Variants in KAZN observed in about 807,000 individuals in gnomAD.
KAZN encodes kazrin, periplakin interacting protein.
Under a neutral mutation model 87.4 loss-of-function variants are expected in KAZN, and 40 were observed. The ratio of observed to expected loss-of-function variants is 0.46; its 90% confidence interval spans 0.36 to 0.60. KAZN has a LOEUF of 0.60. Ranked by LOEUF, KAZN falls within the 20% of genes least tolerant of loss-of-function variation. The probability of loss-of-function intolerance (pLI) is 0.00; values close to 1 mark genes in which losing one functional copy is unlikely to be tolerated. For synonymous variants in KAZN, 466 were observed against 458.3 expected (o/e 1.02, Z -0.22); for missense variants, 898 against 1,073.9 (o/e 0.84, Z 2.29).
At chr1:14,931,359 G>C (rs1455863166) in intron 1 of KAZN, among the ~76,000 whole-genome samples, 1 of 152,066 alleles carries the variant, frequency 6.6e-6, no homozygotes, top group African/African-American at 2.4e-5. Context: ...AAGGAAAATT[G>C]ATTGAATCCA....
At chr1:15,072,139 T>C (rs2100594955) in intron 8 of KAZN, among the ~76,000 whole-genome samples, 1 of 152,348 alleles carries the variant, frequency 6.6e-6, no homozygotes, top group East Asian at 1.9e-4. Flanking sequence ...TGTACTCATC[T>C]GTAAAATGGG....
At position 14,722,881 on chromosome 1, in the gene KAZN, T is replaced by G. The variant is rs535485437; in HGVS notation, c.226+123658T>G. ...TGACTCATGCCTGTAATCCCAACCC[T>G]TTGGGAGACTGAGGTGGGAGGGTCA... On this transcript the variant is annotated intron_variant, in intron 1 of 14. Coordinates refer to ENST00000376030, the MANE Select transcript of KAZN (RefSeq NM_201628.3). Among the ~76,000 whole-genome samples, 8 of 152,226 alleles carry G rather than the reference T, an allele frequency of 5.3e-5. No individual in the cohort carries two copies. In the South Asian group the frequency reaches 1.7e-3, roughly 32 times the overall value.
chr1:14,167,740 C>A (rs74226302), intron 1 of KAZN, among the ~76,000 whole-genome samples: 12 of 151,704 alleles, frequency 7.9e-5, no homozygotes, highest in South Asian at 2.1e-4. Flanking sequence ...AAAACAAAAA[C>A]AAACAAGGAA....
chr1:14,823,871 T>C (rs550133786), intron 1 of KAZN, among the ~76,000 whole-genome samples: 10 of 152,158 alleles, frequency 6.6e-5, no homozygotes, highest in South Asian at 2.1e-4. Context: ...CCCAGCACTT[T>C]AGGAGGCCAA....
chr1:14,050,110 ATGTGTGTGGG>A (rs1642254662), intron 1 of KAZN, among the ~76,000 whole-genome samples: 1 of 92,368 alleles, frequency 1.1e-5, no homozygotes, highest in African/African-American at 5.2e-5. Flanking sequence ...GTATGTGCAC[ATGTGTGTGGG>A]CATGCATGTG....
At chr1:14,824,350 T>A (rs1428611974) in intron 1 of KAZN, among the ~76,000 whole-genome samples, 1 of 152,156 alleles carries the variant, frequency 6.6e-6, no homozygotes, top group Non-Finnish European at 1.5e-5. Context: ...TTCCATGAAC[T>A]TGCTCTGCAG....
At chr1:14,863,321 A>G (rs1651081537) in intron 1 of KAZN, among the ~76,000 whole-genome samples, 1 of 152,216 alleles carries the variant, frequency 6.6e-6, no homozygotes. Flanking sequence ...TCGGTGTGAC[A>G]GGCAGACCCC....
At chr1:14,677,420 T>A (rs1355478533) in intron 1 of KAZN, among the ~76,000 whole-genome samples, 1 of 152,304 alleles carries the variant, frequency 6.6e-6, no homozygotes, top group Non-Finnish European at 1.5e-5. Flanking sequence ...AAGTGAACCT[T>A]CCAAGCTGTA....
intron 2 of KAZN, among the ~76,000 whole-genome samples, chr1:14,220,108 C>A (rs549976813): frequency 6.6e-6 from 1 of 152,306 alleles, no homozygotes; most frequent in Non-Finnish European, 1.5e-5. Flanking sequence ...GCTTTTATCA[C>A]CTCTTTGGTC....
Position 14,747,782 on chromosome 1 carries a change from A to G in KAZN, c.226+148559A>G, listed in dbSNP as rs1409239452. Among the ~76,000 whole-genome samples the G allele has an allele frequency of 2.0e-5, 3 of 152,310 alleles. No individual in the cohort carries two copies. In the South Asian group the frequency reaches 6.2e-4, roughly 32 times the overall value. ...ATATTTAACTTTTTGAGAAATTTTCACAGTGTTTTCCACAGCGGCTGCACC... is the reference window on the plus strand; with the variant it reads ...ATATTTAACTTTTTGAGAAATTTTCGCAGTGTTTTCCACAGCGGCTGCACC... On this transcript the variant is annotated intron_variant, in intron 1 of 14. Coordinates refer to ENST00000376030, the MANE Select transcript of KAZN (RefSeq NM_201628.3).
At chr1:14,180,598 A>G in intron 2 of KAZN, 1 of 1,546,828 alleles carries the variant, frequency 6.5e-7, no homozygotes, top group African/African-American at 1.4e-5. Flanking sequence ...CTCAGGTACA[A>G]AGATCAATAC....
chr1:14,586,401 G>A (rs561904001), intron 2 of KAZN, among the ~76,000 whole-genome samples: 2 of 152,026 alleles, frequency 1.3e-5, no homozygotes, highest in Non-Finnish European at 2.9e-5. Context: ...ACAAATCATA[G>A]TAATAGTAAG....
At chr1:14,899,542 G>A (rs1301602170) in intron 1 of KAZN, among the ~76,000 whole-genome samples, 1 of 152,200 alleles carries the variant, frequency 6.6e-6, no homozygotes, top group Admixed American at 6.5e-5. Context: ...GCCTCTGTTA[G>A]ACATTTTGTC....
At chr1:14,801,897 T>A (rs781775254) in intron 1 of KAZN, among the ~76,000 whole-genome samples, 1 of 151,870 alleles carries the variant, frequency 6.6e-6, no homozygotes, top group Non-Finnish European at 1.5e-5. Context: ...TGTTAGCCAG[T>A]ATGGTGTCTA....
At chr1:14,183,053 T>A (rs532458354) in intron 2 of KAZN, among the ~76,000 whole-genome samples, 1 of 152,268 alleles carries the variant, frequency 6.6e-6, no homozygotes, top group African/African-American at 2.4e-5. Flanking sequence ...GACATCAGCT[T>A]GCAAGTCGAA....
rs1443429640 is a variant in KAZN at position 15,094,119 on chromosome 1, T to C, written c.1223-61T>C. 6.6e-7 allele frequency: 1 copy of C among 1,519,550 alleles called. No individual in the cohort carries two copies. Among genetic ancestry groups the C allele is most frequent in the African/African-American group, 1.4e-5 (1 of 73,264 alleles). The allele number at this position is 1,519,550 out of a possible 1,614,324, so 94.1% of individuals were successfully genotyped here. ...CCCTCTGCCTCCCGGGGGTATGGCC[T>C]GCCCAGCCCCTGCCCCCAGCAGCCT... On this transcript the variant is annotated intron_variant, in intron 8 of 14. Transcript: ENST00000376030. The surrounding 1 kb of genome is among the most constrained non-coding windows in gnomAD (Gnocchi z 4.5).
intron 1 of KAZN, among the ~76,000 whole-genome samples, chr1:14,147,897 C>G (rs891125791): frequency 3.3e-5 from 5 of 151,930 alleles, no homozygotes; most frequent in African/African-American, 7.3e-5. Context: ...GCTATGACTA[C>G]TATTATTGCT....
chr1:14,775,547 TG>T (rs1438646553), intron 1 of KAZN, among the ~76,000 whole-genome samples: 3 of 152,206 alleles, frequency 2.0e-5, no homozygotes, highest in African/African-American at 7.2e-5. Context: ...CATGAGAACC[TG>T]GGCTCCTGAC....
chr1:14,305,795 G>A (rs1173434529), intron 2 of KAZN, among the ~76,000 whole-genome samples: 1 of 152,170 alleles, frequency 6.6e-6, no homozygotes, highest in Non-Finnish European at 1.5e-5. Context: ...TCTATGGTAA[G>A]AGGCAAGGCA....
Sources: gnomAD v4.1 joint callset for allele counts (sites outside exome capture counted in the v4.1 genomes callset) on GRCh38, gnomAD v4.1.1 for gene constraint, Gnocchi (gnomAD v3.1) non-coding constraint, MANE v1.5 for transcripts, NCBI Gene and HGNC (gene_info 2026-07-23, HGNC 2026-07-21) for gene names.